PCDHGA4: variants seen among roughly 807,000 people sequenced by gnomAD.
PCDHGA4 encodes protocadherin gamma-A4.
In PCDHGA4, 38 loss-of-function variants were observed where a neutral mutation model predicts 54.6. The observed-to-expected ratio is 0.70, with a 90% CI of 0.54 to 0.91. The LOEUF (loss-of-function observed/expected upper bound fraction) is 0.91. Among genes scored for constraint, PCDHGA4 ranks in the 40% least tolerant of loss-of-function variants. The pLI is 0.00. For missense variants in PCDHGA4, 1,298 were observed against 1,220.9 expected (o/e 1.06, Z -0.94); for synonymous variants, 511 against 512.9 (o/e 1.00, Z 0.05).
At chr5:141,456,700 C>T (rs1420857227) in intron 1 of PCDHGA4, among the ~76,000 whole-genome samples, 1 of 152,060 alleles carries the variant, frequency 6.6e-6, no homozygotes, top group Admixed American at 6.6e-5. Flanking sequence ...CGTGGTGGCT[C>T]GCGCCTGTAA....
chr5:141,449,471 G>A (rs1261821886), intron 1 of PCDHGA4, among the ~76,000 whole-genome samples: 1 of 151,060 alleles, frequency 6.6e-6, no homozygotes, highest in African/African-American at 2.4e-5. Flanking sequence ...GCCAGGCCTG[G>A]TACCCCATGC....
Position 141,464,048 on chromosome 5 carries a change from T to G in PCDHGA4, c.2515-30759T>G, listed in dbSNP as rs377735829. Reference sequence around the variant, plus strand: ...GGGAGGCCAAGGCGGGTGGATCACCTGAGGTCAGGAGTTCAAGGCCAGCCT... The same window carrying G: ...GGGAGGCCAAGGCGGGTGGATCACCGGAGGTCAGGAGTTCAAGGCCAGCCT... On this transcript the variant is annotated intron_variant, in intron 1 of 3. Transcript: ENST00000571252. 1.2e-4 allele frequency among the ~76,000 whole-genome samples: 18 copies of G among 152,260 alleles called. No individual in the cohort carries two copies. In the East Asian group the frequency reaches 3.5e-3, roughly 29 times the overall value.
At chr5:141,393,367 G>A (rs1302436646) in intron 1 of PCDHGA4, 2 of 1,613,962 alleles carry the variant, frequency 1.2e-6, no homozygotes, top group East Asian at 2.2e-5. Flanking sequence ...GTGCAGACTG[G>A]AGACAATGGA....
chr5:141,456,633 C>CT (rs1229637837), intron 1 of PCDHGA4, among the ~76,000 whole-genome samples: 1 of 152,182 alleles, frequency 6.6e-6, no homozygotes, highest in Non-Finnish European at 1.5e-5. Context: ...CTCTTCTTTA[C>CT]TACAGGTGTT....
chr5:141,398,740 C>T, intron 1 of PCDHGA4: 1 of 1,613,864 alleles, frequency 6.2e-7, no homozygotes, highest in Non-Finnish European at 8.5e-7. Flanking sequence ...CCGGGAACAA[C>T]AGAGTTACCA....
At chr5:141,399,591 G>A (rs2093843307) in intron 1 of PCDHGA4, 1 of 1,613,970 alleles carries the variant, frequency 6.2e-7, no homozygotes. Flanking sequence ...ACTCTATCAT[G>A]GCCAGCGACC....
At chr5:141,384,620 G>T in intron 1 of PCDHGA4, 1 of 1,614,200 alleles carries the variant, frequency 6.2e-7, no homozygotes, top group Non-Finnish European at 8.5e-7. Flanking sequence ...GGTTCTACTG[G>T]CATGGAGCTG....
chr5:141,414,828 G>T (rs780047810), intron 1 of PCDHGA4: 1 of 1,614,210 alleles, frequency 6.2e-7, no homozygotes, highest in East Asian at 2.2e-5. Context: ...GCAACGTGTC[G>T]TTGAGCCTGT....
Position 141,491,657 on chromosome 5 carries a change from A to T in PCDHGA4, c.2515-3150A>T. 1.2e-6 allele frequency: 2 copies of T among 1,613,740 alleles called. No homozygotes were observed. Among genetic ancestry groups the T allele is most frequent in the Non-Finnish European group, 1.7e-6 (2 of 1,180,006 alleles). On this transcript the variant is annotated intron_variant, in intron 1 of 3. Transcript: ENST00000571252. The surrounding 1 kb of genome is among the most constrained non-coding windows in gnomAD (Gnocchi z 6.9). ...CCCACAGCTCTGGCGCTGGAGCCTG[A>T]CGCCATCCGGTCCCGCTCTAATACG...
At chr5:141,441,340 C>T (rs2098240395) in intron 1 of PCDHGA4, 1 of 152,330 alleles carries the variant, frequency 6.6e-6, no homozygotes, top group Non-Finnish European at 1.5e-5. Flanking sequence ...CAATAATTAA[C>T]TACATGCTTG....
chr5:141,496,876 A>G (rs964149656), intron 2 of PCDHGA4, among the ~76,000 whole-genome samples: 1 of 149,154 alleles, frequency 6.7e-6, no homozygotes, highest in African/African-American at 2.5e-5. Flanking sequence ...AAAATTTGCA[A>G]CAAGTAACAC....
chr5:141,404,772 G>T, intron 1 of PCDHGA4: 2 of 1,613,820 alleles, frequency 1.2e-6, no homozygotes, highest in African/African-American at 1.3e-5. Flanking sequence ...CTCTCCTACC[G>T]CCTATTCAAG....
intron 1 of PCDHGA4, among the ~76,000 whole-genome samples, chr5:141,436,889 G>T (rs1319754318): frequency 6.6e-6 from 1 of 152,208 alleles, no homozygotes; most frequent in Non-Finnish European, 1.5e-5. Flanking sequence ...ATGGGGGAAA[G>T]ATTTTTATAT....
Position 141,491,652 on chromosome 5 carries a change from G to T in PCDHGA4, c.2515-3155G>T. ...AGCAGCCCACAGCTCTGGCGCTGGA[G>T]CCTGACGCCATCCGGTCCCGCTCTA... On this transcript the variant is annotated intron_variant, in intron 1 of 3. Transcript: ENST00000571252. The surrounding 1 kb of genome is among the most constrained non-coding windows in gnomAD (Gnocchi z 6.9). The T allele has an allele frequency of 6.2e-7, 1 of 1,613,844 alleles. No homozygotes were observed.
At chr5:141,403,546 C>A (rs62378450) in intron 1 of PCDHGA4, 1 of 1,613,984 alleles carries the variant, frequency 6.2e-7, no homozygotes, top group South Asian at 1.1e-5. Flanking sequence ...TGCTGGAGCG[C>A]GCCCTGGACA....
chr5:141,423,929 G>C, intron 1 of PCDHGA4: 1 of 1,236,074 alleles, frequency 8.1e-7, no homozygotes, highest in East Asian at 3.5e-5. Flanking sequence ...TGCTGGTTTG[G>C]TTTGAAGTAA....
rs1444897635 is a variant in PCDHGA4 at position 141,366,887 on chromosome 5, A to G, written c.2514+9266A>G. ...GCTGTATTGGAGATTAATTTTTTTT[A>G]TATAATTCATGCTTTCTCCATTTGT... On this transcript the variant is annotated intron_variant, in intron 1 of 3. Coordinates refer to ENST00000571252, the MANE Select transcript of PCDHGA4 (RefSeq NM_018917.4). 3.2e-6 allele frequency: 4 copies of G among 1,269,488 alleles called. No homozygotes were observed. The South Asian group carries it at 4.6e-5, about 15-fold the overall frequency. 78.6% of individuals were successfully genotyped at this position (1,269,488 alleles called of 1,614,324 possible).
Position 141,490,491 on chromosome 5 carries a change from A to T in PCDHGA4, c.2515-4316A>T. 1 of 1,614,098 alleles carries T rather than the reference A, an allele frequency of 6.2e-7. No individual in the cohort carries two copies. Among genetic ancestry groups the T allele is most frequent in the Non-Finnish European group, 8.5e-7 (1 of 1,180,022 alleles). ...GCCAGCCTTTGGACCGGGAGGCCAC[A>T]TCCCACTATATCATCGAGCTGCTGG... On this transcript the variant is annotated intron_variant, in intron 1 of 3. Coordinates refer to ENST00000571252, the MANE Select transcript of PCDHGA4 (RefSeq NM_018917.4). This position sits in a 1 kb window ranked among gnomAD's most constrained non-coding sequence, Gnocchi z 5.4.
At position 141,489,099 on chromosome 5, in the gene PCDHGA4, G is replaced by C; in HGVS notation, c.2515-5708G>C. 5.5e-6 allele frequency: 2 copies of C among 361,982 alleles called. No homozygotes were observed. The highest frequency in any genetic ancestry group is 5.0e-5 in the South Asian group (1 of 19,862). 22.4% of individuals were successfully genotyped at this position (361,982 alleles called of 1,614,324 possible). On this transcript the variant is annotated intron_variant, in intron 1 of 3. Coordinates refer to ENST00000571252, the MANE Select transcript of PCDHGA4 (RefSeq NM_018917.4). The surrounding 1 kb of genome is among the most constrained non-coding windows in gnomAD (Gnocchi z 4.5). Reference sequence around the variant, plus strand: ...CCCCGCCACTCGGTGACTAAGAACTGCTGCAAGCAGGCAAACCTCCGAGCA... The same window carrying C: ...CCCCGCCACTCGGTGACTAAGAACTCCTGCAAGCAGGCAAACCTCCGAGCA...
Sources: allele counts gnomAD v4.1 joint callset (sites outside exome capture counted in the v4.1 genomes callset), GRCh38; gene constraint gnomAD v4.1.1; non-coding constraint Gnocchi (gnomAD v3.1); transcripts MANE v1.5; gene names NCBI Gene and HGNC (gene_info 2026-07-23, HGNC 2026-07-21).